GATA4: variants seen among roughly 807,000 people sequenced by gnomAD.
GATA4 encodes transcription factor GATA-4.
Under a neutral mutation model 37.9 loss-of-function variants are expected in GATA4, and 7 were observed. The observed-to-expected ratio is 0.18, with a 90% CI of 0.11 to 0.35. The LOEUF (loss-of-function observed/expected upper bound fraction) is 0.35, where lower values mean the gene tolerates loss of function less well. Among genes scored for constraint, GATA4 ranks in the 10% least tolerant of loss-of-function variants. The pLI is 1.00. For missense variants in GATA4, 647 were observed against 653.0 expected (o/e 0.99, Z 0.10); for synonymous variants, 372 against 292.6 (o/e 1.27, Z -2.77).
At chr8:11,735,919 A>AT (rs910154142) in intron 2 of GATA4, among the ~76,000 whole-genome samples, 16 of 145,690 alleles carry the variant, frequency 1.1e-4, no homozygotes, top group Non-Finnish European at 1.8e-4. Context: ...GAAAAAAAAA[A>AT]TTTTTTTTTG....
chr8:11,750,675 G>C (rs1802256461), intron 4 of GATA4, among the ~76,000 whole-genome samples: 1 of 149,500 alleles, frequency 6.7e-6, no homozygotes, highest in Admixed American at 6.7e-5. Context: ...ACTCATGCCT[G>C]TAATTGCAGC....
At chr8:11,745,950 T>C (rs1372197448) in intron 2 of GATA4, among the ~76,000 whole-genome samples, 2 of 152,336 alleles carry the variant, frequency 1.3e-5, no homozygotes, top group East Asian at 3.9e-4. Flanking sequence ...TTTCATATTC[T>C]GTCCCCTTCT....
intron 4 of GATA4, among the ~76,000 whole-genome samples, chr8:11,752,919 A>G (rs1802370927): frequency 6.6e-6 from 1 of 152,238 alleles, no homozygotes; most frequent in South Asian, 2.1e-4. Context: ...TGGAAGGAAA[A>G]TGGTTAAACT....
chr8:11,705,352 T>C (rs1000953343), intron 1 of GATA4, among the ~76,000 whole-genome samples: 10 of 152,150 alleles, frequency 6.6e-5, no homozygotes, highest in Admixed American at 5.2e-4. Flanking sequence ...TTGTGCCGGC[T>C]AGCGTGCGAC....
chr8:11,747,833 T>C (rs897032561), intron 2 of GATA4, among the ~76,000 whole-genome samples: 2 of 152,232 alleles, frequency 1.3e-5, no homozygotes, highest in African/African-American at 4.8e-5. Context: ...AAGAATTTTA[T>C]AAAATGAGTT....
intron 2 of GATA4, among the ~76,000 whole-genome samples, chr8:11,712,469 G>C (rs1000381423): frequency 3.3e-5 from 5 of 152,046 alleles, no homozygotes; most frequent in Non-Finnish European, 7.4e-5. Context: ...AGCTTCATTT[G>C]GTCTTGAAGG....
intron 2 of GATA4, among the ~76,000 whole-genome samples, chr8:11,720,956 T>C (rs955841778): frequency 6.6e-6 from 1 of 151,978 alleles, no homozygotes; most frequent in African/African-American, 2.4e-5. Flanking sequence ...CAGCTCCACA[T>C]GCGTGATTTG....
intron 2 of GATA4, among the ~76,000 whole-genome samples, chr8:11,746,633 T>TG (rs995591727): frequency 6.6e-6 from 1 of 152,200 alleles, no homozygotes; most frequent in Non-Finnish European, 1.5e-5. Context: ...AATCCCCTCA[T>TG]GGGCAGGCCT....
upstream of GATA4, chr8:11,692,533 G>T: frequency 1.0e-6 from 1 of 985,436 alleles, no homozygotes; most frequent in East Asian, 1.1e-4. Flanking sequence ...ATGCTCATGC[G>T]GATCTAGATT....
intron 1 of GATA4, among the ~76,000 whole-genome samples, chr8:11,683,440 C>G (rs1799041358): frequency 6.6e-6 from 1 of 150,872 alleles, no homozygotes; most frequent in Non-Finnish European, 1.5e-5. Flanking sequence ...CGTTTTTTTT[C>G]TTTTAAGAAG....
At chr8:11,680,849 C>G in intron 1 of GATA4, 1 of 985,376 alleles carries the variant, frequency 1.0e-6, no homozygotes, top group Non-Finnish European at 1.2e-6. Context: ...AGACACATAG[C>G]GAAGCCCCTG....
intron 1 of GATA4, chr8:11,681,193 G>C (rs567058344): frequency 2.0e-6 from 2 of 985,384 alleles, no homozygotes; most frequent in East Asian, 2.3e-4. Flanking sequence ...CACAGGCCCT[G>C]GCCCGCGCGG....
chr8:11,715,402 C>T (rs923375139), intron 2 of GATA4, among the ~76,000 whole-genome samples: 1 of 152,092 alleles, frequency 6.6e-6, no homozygotes, highest in African/African-American at 2.4e-5. Flanking sequence ...CATTTAATAA[C>T]AAGAAAATAC....
rs12156163 is a variant in GATA4 at position 11,757,260 on chromosome 8, C to G, written c.1149+177C>G. On this transcript the variant is annotated intron_variant, in intron 6 of 6. Coordinates refer to ENST00000532059, the MANE Select transcript of GATA4 (RefSeq NM_001308093.3). Reference sequence around the variant, plus strand: ...GCTGTGTGGTGCCCTCAGGGCCGCACGAGGCTAGGGGCATCTGCATCGGGC... The same window carrying G: ...GCTGTGTGGTGCCCTCAGGGCCGCAGGAGGCTAGGGGCATCTGCATCGGGC... Among the ~76,000 whole-genome samples, 357 of 152,236 alleles carry G rather than the reference C, an allele frequency of 2.3e-3. 2 individuals are homozygous for G. The highest frequency in any genetic ancestry group is 0.017 in the Admixed American group (259 of 15,298).
chr8:11,734,845 C>T (rs1423667395), intron 2 of GATA4, among the ~76,000 whole-genome samples: 1 of 152,226 alleles, frequency 6.6e-6, no homozygotes, highest in East Asian at 1.9e-4. Context: ...GTCCGATGGC[C>T]TGTTCACCTC....
intron 1 of GATA4, among the ~76,000 whole-genome samples, chr8:11,685,453 C>G (rs1396121760): frequency 6.6e-6 from 1 of 152,192 alleles, no homozygotes; most frequent in African/African-American, 2.4e-5. Flanking sequence ...TGGCCAGATC[C>G]AAGACATGTC....
chr8:11,716,458 A>G (rs1255784483), intron 2 of GATA4, among the ~76,000 whole-genome samples: 1 of 152,154 alleles, frequency 6.6e-6, no homozygotes, highest in Non-Finnish European at 1.5e-5. Context: ...AGCTTCCTCA[A>G]GATTCTTCAA....
chr8:11,692,584 G>A (rs1198783256), upstream of GATA4: 4 of 985,232 alleles, frequency 4.1e-6, no homozygotes, highest in Non-Finnish European at 4.8e-6. Flanking sequence ...GCCTGGGAGG[G>A]CGTGGCCCCC....
chr8:11,712,378 G>A (rs1353662527), intron 2 of GATA4, among the ~76,000 whole-genome samples: 2 of 152,154 alleles, frequency 1.3e-5, no homozygotes, highest in East Asian at 1.9e-4. Context: ...AACAGCAGAG[G>A]AGAAGCAGCT....
Sources: gnomAD v4.1 joint callset for allele counts (sites outside exome capture counted in the v4.1 genomes callset) on GRCh38, gnomAD v4.1.1 for gene constraint, MANE v1.5 for transcripts, NCBI Gene and HGNC (gene_info 2026-07-23, HGNC 2026-07-21) for gene names.